Variants in SUGCT observed in about 807,000 individuals in gnomAD.
SUGCT encodes succinyl-CoA:glutarate-CoA transferase.
Under a neutral mutation model 55.0 loss-of-function variants are expected in SUGCT, and 41 were observed. That is an observed-to-expected ratio of 0.74 (90% CI 0.58 to 0.97). The LOEUF (loss-of-function observed/expected upper bound fraction) is 0.97. SUGCT is among the 50% of genes least tolerant of loss of function. The probability of loss-of-function intolerance (pLI) is 0.00; values close to 1 mark genes in which losing one functional copy is unlikely to be tolerated. For missense variants in SUGCT, 568 were observed against 547.8 expected (o/e 1.04, Z -0.37); for synonymous variants, 187 against 200.4 (o/e 0.93, Z 0.56).
At chr7:40,926,350 C>T in the SUGCT span, among the ~76,000 whole-genome samples, 1 of 151,684 alleles carries the variant, frequency 6.6e-6, no homozygotes, top group Non-Finnish European at 1.5e-5. Flanking sequence ...GTGAAACATC[C>T]ACAAAATTTC....
intron 12 of SUGCT, among the ~76,000 whole-genome samples, chr7:40,632,022 T>A (rs1301332463): frequency 6.6e-6 from 1 of 152,174 alleles, no homozygotes; most frequent in Non-Finnish European, 1.5e-5. Context: ...CCTCTCTAAC[T>A]CTTCTCCTGG....
chr7:40,611,876 A>T (rs1032718126), intron 12 of SUGCT, among the ~76,000 whole-genome samples: 1 of 152,190 alleles, frequency 6.6e-6, no homozygotes, highest in African/African-American at 2.4e-5. Flanking sequence ...AGAACAGCTG[A>T]TATGATCTGT....
At chr7:41,020,977 G>A in the SUGCT span, among the ~76,000 whole-genome samples, 1 of 152,316 alleles carries the variant, frequency 6.6e-6, no homozygotes, top group East Asian at 1.9e-4. Context: ...CTCACAGATG[G>A]ACAGGAGATG....
intron 12 of SUGCT, among the ~76,000 whole-genome samples, chr7:40,737,323 G>T (rs903923627): frequency 3.9e-5 from 6 of 152,248 alleles, no homozygotes; most frequent in Admixed American, 1.3e-4. Context: ...TATGGATGGA[G>T]ATATCTGATT....
intron 12 of SUGCT, among the ~76,000 whole-genome samples, chr7:40,520,828 T>G (rs977618413): frequency 6.6e-6 from 1 of 152,154 alleles, no homozygotes; most frequent in Non-Finnish European, 1.5e-5. Flanking sequence ...AAGGACGTGT[T>G]TATTGCTGCA....
intron 9 of SUGCT, among the ~76,000 whole-genome samples, chr7:40,442,135 T>C (rs1375326147): frequency 1.3e-5 from 2 of 152,150 alleles, no homozygotes; most frequent in African/African-American, 4.8e-5. Flanking sequence ...TATAGAAAGG[T>C]AAGCAAGGGA....
At chr7:40,898,411 A>C in the SUGCT span, among the ~76,000 whole-genome samples, 7 of 137,516 alleles carry the variant, frequency 5.1e-5, no homozygotes, top group African/African-American at 1.9e-4. Flanking sequence ...CGGACACATC[A>C]TCTTTAAGAA....
Position 40,648,616 on chromosome 7 carries a change from C to G in SUGCT, c.1090-100818C>G, listed in dbSNP as rs180854168. Among the ~76,000 whole-genome samples, 429 of 152,306 alleles carry G rather than the reference C, an allele frequency of 2.8e-3. 3 individuals carry two copies. Among genetic ancestry groups the G allele is most frequent in the African/African-American group, 9.8e-3 (407 of 41,570 alleles). On this transcript the variant is annotated intron_variant, in intron 12 of 13. Transcript: ENST00000335693. ...AGGTCATAGTTGATTAGGGTTGGCC[C>G]TAAATCCAATGACTGGTGTCCTTAC... is the stretch of plus-strand genomic sequence containing the variant.
At chr7:40,285,580 A>G (rs1793281969) in intron 8 of SUGCT, among the ~76,000 whole-genome samples, 1 of 151,782 alleles carries the variant, frequency 6.6e-6, no homozygotes, top group Non-Finnish European at 1.5e-5. Flanking sequence ...CTATTTACCC[A>G]TCTTAATTTA....
chr7:40,383,337 T>C (rs1784963195), intron 9 of SUGCT, among the ~76,000 whole-genome samples: 1 of 152,230 alleles, frequency 6.6e-6, no homozygotes. Context: ...GCCTGATTCA[T>C]AGCTAGCCTG....
rs961751731 is a variant in SUGCT at position 40,748,973 on chromosome 7, G to T, written c.1090-461G>T. Among the ~76,000 whole-genome samples the T allele has an allele frequency of 6.6e-5, 10 of 152,112 alleles. 1 individual carries two copies. The highest frequency in any genetic ancestry group is 2.4e-4 in the African/African-American group (10 of 41,412). ...ATACTCTGATTTATTCTTCAAACTGGACTGACTCCCCATACCTTCTGCTGA... is the reference window on the plus strand; with the variant it reads ...ATACTCTGATTTATTCTTCAAACTGTACTGACTCCCCATACCTTCTGCTGA... On this transcript the variant is annotated intron_variant, in intron 12 of 13. Transcript: ENST00000335693.
chr7:40,908,938 G>T, the SUGCT span, among the ~76,000 whole-genome samples: 47 of 152,078 alleles, frequency 3.1e-4, no homozygotes, highest in African/African-American at 1.1e-3. Flanking sequence ...GACCATGGAT[G>T]GTATGGTTTT....
intron 9 of SUGCT, among the ~76,000 whole-genome samples, chr7:40,435,449 C>G (rs1348282611): frequency 6.6e-6 from 1 of 152,128 alleles, no homozygotes. Flanking sequence ...GCCACCAAGG[C>G]TTATAATGTC....
chr7:40,952,320 A>G, the SUGCT span, among the ~76,000 whole-genome samples: 1 of 151,060 alleles, frequency 6.6e-6, no homozygotes, highest in Non-Finnish European at 1.5e-5. Flanking sequence ...ATCTTCCCCC[A>G]TCCCTTTATT....
At chr7:40,893,547 T>A in the SUGCT span, among the ~76,000 whole-genome samples, 2 of 152,154 alleles carry the variant, frequency 1.3e-5, no homozygotes, top group Non-Finnish European at 2.9e-5. Flanking sequence ...TGAGGAATAT[T>A]GGTAAATTAA....
chr7:40,543,702 C>T (rs1017183575), intron 12 of SUGCT, among the ~76,000 whole-genome samples: 2 of 152,162 alleles, frequency 1.3e-5, no homozygotes, highest in African/African-American at 4.8e-5. Flanking sequence ...TGTCAGAAAA[C>T]ACCAGAAAGA....
chr7:40,985,440 C>T, the SUGCT span, among the ~76,000 whole-genome samples: 1 of 151,992 alleles, frequency 6.6e-6, no homozygotes, highest in Non-Finnish European at 1.5e-5. Flanking sequence ...CTGGAAAATG[C>T]ACTAAATGAT....
At chr7:40,249,663 T>G (rs1790224569) in intron 7 of SUGCT, among the ~76,000 whole-genome samples, 1 of 152,116 alleles carries the variant, frequency 6.6e-6, no homozygotes. Flanking sequence ...TTTTTCTTAA[T>G]TCATGCACCT....
chr7:40,260,410 A>AT (rs1302882453), intron 7 of SUGCT, among the ~76,000 whole-genome samples: 1 of 152,184 alleles, frequency 6.6e-6, no homozygotes, highest in Non-Finnish European at 1.5e-5. Flanking sequence ...TCTAGGAAAG[A>AT]TTCAGCTTCA....
Sources: allele counts gnomAD v4.1 joint callset (sites outside exome capture counted in the v4.1 genomes callset), GRCh38; gene constraint gnomAD v4.1.1; transcripts MANE v1.5; gene names NCBI Gene and HGNC (gene_info 2026-07-23, HGNC 2026-07-21).